The following PI4K2A variants were observed in gnomAD, a reference collection of about 807,000 sequenced individuals.
PI4K2A encodes phosphatidylinositol 4-kinase type 2 alpha.
PI4K2A carries 20 observed loss-of-function variants against 55.0 expected under a neutral mutation model. The observed-to-expected ratio is 0.36, with a 90% CI of 0.26 to 0.53. PI4K2A has a LOEUF of 0.53. Ranked by LOEUF, PI4K2A falls within the 20% of genes least tolerant of loss-of-function variation. The pLI is 0.91. For synonymous variants in PI4K2A, 235 were observed against 258.5 expected (o/e 0.91, Z 0.87); for missense variants, 463 against 637.1 (o/e 0.73, Z 2.94).
At position 97,656,308 on chromosome 10, in the gene PI4K2A, C is replaced by T. The variant is rs1328192281; in HGVS notation, c.660C>T (p.Thr220=). 1.9e-6 allele frequency: 3 copies of T among 1,613,722 alleles called. No individual in the cohort carries two copies. The African/African-American group carries it at 4.0e-5, about 22-fold the overall frequency. ...AGGTAGTATACCTGGCCAGTGAGAC[C>T]TTCAACTATAGTGCCATTGACCGAG... The change falls in exon 3 of 9, where the codon ACC becomes ACT. Residue 220 remains threonine (T), a synonymous_variant. Coordinates refer to ENST00000370631, the Ensembl canonical transcript of PI4K2A. This position sits in a 1 kb window ranked among gnomAD's most constrained non-coding sequence, Gnocchi z 4.5.
chr10:97,640,869 G>T, exon 1 of PI4K2A: 1 of 1,311,350 alleles, frequency 7.6e-7, no homozygotes. Context: ...GGCGGCGGCC[G>T]GCTCGGGCCC....
At position 97,641,189 on chromosome 10, in the gene PI4K2A, G is replaced by A. The variant is rs765843656; in HGVS notation, c.435+12G>A. The A allele has an allele frequency of 1.9e-6, 3 of 1,587,498 alleles. No individual in the cohort carries two copies. The highest frequency in any genetic ancestry group is 2.3e-5 in the East Asian group (1 of 43,548). ...AGGACCCTCAGGGGGTGAGTGCGGG[G>A]GTGGGGACCGCCGCCGCGGGCTGAG... On this transcript the variant is annotated intron_variant, in intron 1 of 8. Coordinates refer to ENST00000370631, the Ensembl canonical transcript of PI4K2A.
At chr10:97,658,600 T>C (rs1044800499) in intron 4 of PI4K2A, among the ~76,000 whole-genome samples, 1 of 152,226 alleles carries the variant, frequency 6.6e-6, no homozygotes, top group African/African-American at 2.4e-5. Flanking sequence ...TTTTAATTTT[T>C]TGAGGAACCA....
chr10:97,651,276 C>T lies in PI4K2A; in HGVS notation c.636+135C>T, dbSNP rs142564330. 1,229 of 636,508 alleles carry T rather than the reference C, an allele frequency of 1.9e-3. 6 individuals are homozygous for T. Among genetic ancestry groups the T allele is most frequent in the African/African-American group, 0.015 (815 of 54,604 alleles). The allele number at this position is 636,508 out of a possible 1,614,324, so 39.4% of individuals were successfully genotyped here. A position where few individuals can be genotyped will look rare whatever the true frequency, so the allele number is the denominator to read the frequency against. ...TAAGTCTGGGTTCTCGATCTTTTTT[C>T]GGGAGGATGGCAGGATTAGGCTTAT... On this transcript the variant is annotated intron_variant, in intron 2 of 8. Transcript: ENST00000370631.
chr10:97,676,171 C>T (rs1033573248), exon 9 of PI4K2A: 1 of 152,092 alleles, frequency 6.6e-6, no homozygotes, highest in Non-Finnish European at 1.5e-5. Context: ...GGCTATTTCT[C>T]CCTAATAAAG....
chr10:97,666,993 T>G, intron 7 of PI4K2A, 68 bp from the exon 8 acceptor site: 1 of 1,244,578 alleles, frequency 8.0e-7, no homozygotes, highest in Non-Finnish European at 1.2e-6. Flanking sequence ...AGTTTCTAAC[T>G]GGGGGAGAAA....
chr10:97,674,845 C>T (rs2041654414), exon 9 of PI4K2A: 1 of 152,150 alleles, frequency 6.6e-6, no homozygotes, highest in East Asian at 1.9e-4. Flanking sequence ...GTGGCAGTTT[C>T]CCTTTTCTCT....
In PI4K2A at chr10:97,662,864, A is replaced by G. The variant is rs200772956; in HGVS notation, c.923-43A>G. 12 of 1,367,350 alleles carry G rather than the reference A, an allele frequency of 8.8e-6. No individual in the cohort carries two copies. In the East Asian group the frequency reaches 2.5e-4, roughly 29 times the overall value. 84.7% of individuals were successfully genotyped at this position (1,367,350 alleles called of 1,614,324 possible). A position where few individuals can be genotyped will look rare whatever the true frequency, so the allele number is the denominator to read the frequency against. ...TAGTCCACCATTACAAAAATGGAAA[A>G]TCATCCCCCCTTTTTCTGCTAACTT... On this transcript the variant is annotated intron_variant, in intron 4 of 8. Transcript: ENST00000370631.
intron 1 of PI4K2A, among the ~76,000 whole-genome samples, chr10:97,644,876 T>C (rs1343729319): frequency 6.6e-6 from 1 of 152,142 alleles, no homozygotes; most frequent in Non-Finnish European, 1.5e-5. Flanking sequence ...ACCAGCACTT[T>C]CTGCGACAGC....
chr10:97,648,210 C>T (rs4919125), intron 1 of PI4K2A, among the ~76,000 whole-genome samples: 22,275 of 151,014 alleles, frequency 0.15, 3,965 homozygotes, highest in African/African-American at 0.42. Flanking sequence ...TCTCCTGCCT[C>T]GCCTCCCGAG....
chr10:97,669,335 A>C (rs1234543695), intron 8 of PI4K2A, among the ~76,000 whole-genome samples: 1 of 152,226 alleles, frequency 6.6e-6, no homozygotes, highest in Non-Finnish European at 1.5e-5. Context: ...ATAAAGGAGT[A>C]AACTGGCTTC....
At chr10:97,668,505 G>A (rs181611195) in intron 8 of PI4K2A, among the ~76,000 whole-genome samples, 85 of 152,280 alleles carry the variant, frequency 5.6e-4, no homozygotes, top group African/African-American at 2.0e-3. Context: ...TTGGGCCTGG[G>A]AGGTCTAGGA....
At chr10:97,654,805 A>G (rs1238183950) in intron 2 of PI4K2A, among the ~76,000 whole-genome samples, 1 of 114,216 alleles carries the variant, frequency 8.8e-6, no homozygotes, top group African/African-American at 4.4e-5. Flanking sequence ...CGTCACTGCA[A>G]TTTGACTTAA....
At chr10:97,640,768 C>G (rs146171100) in exon 1 of PI4K2A, 12 of 1,507,716 alleles carry the variant, frequency 8.0e-6, no homozygotes, top group Non-Finnish European at 9.8e-6. Context: ...CCACTAGTGT[C>G]CCCCGAGCGG....
chr10:97,669,013 A>C (rs370733990), intron 8 of PI4K2A, among the ~76,000 whole-genome samples: 7 of 151,864 alleles, frequency 4.6e-5, no homozygotes, highest in African/African-American at 1.7e-4. Context: ...TTACAGGTGC[A>C]TGGCACCACA....
rs1414899366 is a variant in PI4K2A, at chr10:97,656,509, G to T, written c.768+93G>T. On this transcript the variant is annotated intron_variant, in intron 3 of 8. Coordinates refer to ENST00000370631, the Ensembl canonical transcript of PI4K2A. The surrounding 1 kb of genome is among the most constrained non-coding windows in gnomAD (Gnocchi z 4.5). ...CAAGGTGCCTACAACTCAAATATGG[G>T]CACGTGAATAACCTGCCCTGAGGAT... The T allele has an allele frequency of 1.6e-5, 19 of 1,224,770 alleles. No individual in the cohort carries two copies. In the South Asian group the frequency reaches 1.8e-4, roughly 12 times the overall value. The allele number at this position is 1,224,770 out of a possible 1,614,324, so 75.9% of individuals were successfully genotyped here.
At position 97,640,886 on chromosome 10, in the gene PI4K2A, G is replaced by GCAGGTGC; in HGVS notation, c.145_146insAGGTGCC (p.Pro49GlnfsTer63). On this transcript the variant is annotated frameshift_variant, in exon 1 of 9. Transcript: ENST00000370631. LOFTEE classifies it high-confidence loss of function. ...CGGCGGCCGGCTCGGGCCCCTCTCC[G>GCAGGTGC]CCGGGCTCGCCGGGCCACGACCGCG... 1 of 1,296,792 alleles carries GCAGGTGC rather than the reference G, an allele frequency of 7.7e-7. No individual in the cohort carries two copies. Among genetic ancestry groups the GCAGGTGC allele is most frequent in the Non-Finnish European group, 9.8e-7 (1 of 1,023,962 alleles). 80.3% of individuals were successfully genotyped at this position (1,296,792 alleles called of 1,614,324 possible).
exon 2 of PI4K2A, chr10:97,650,950 G>C: frequency 6.2e-7 from 1 of 1,612,764 alleles, no homozygotes. Flanking sequence ...GAGGATCATT[G>C]CTGTCTTCAA....
chr10:97,658,822 T>C (rs2041567643), intron 4 of PI4K2A, among the ~76,000 whole-genome samples: 1 of 152,228 alleles, frequency 6.6e-6, no homozygotes, highest in Admixed American at 6.5e-5. Flanking sequence ...ATTTCCTTAA[T>C]GATTAGTGAT....
Sources: allele counts gnomAD v4.1 joint callset (sites outside exome capture counted in the v4.1 genomes callset), GRCh38; gene constraint gnomAD v4.1.1; non-coding constraint Gnocchi (gnomAD v3.1); transcripts MANE v1.5; gene names NCBI Gene and HGNC (gene_info 2026-07-23, HGNC 2026-07-21).